Variants in TUSC3 observed in about 807,000 individuals in gnomAD.
TUSC3 encodes the protein dolichyl-diphosphooligosaccharide--protein glycosyltransferase subunit TUSC3.
Under a neutral mutation model 44.8 loss-of-function variants are expected in TUSC3, and 45 were observed. The ratio of observed to expected loss-of-function variants is 1.00; its 90% confidence interval spans 0.79 to 1.29. The LOEUF (loss-of-function observed/expected upper bound fraction) is 1.29, where lower values mean the gene tolerates loss of function less well. TUSC3 is among the 50% of genes most tolerant of loss of function. The pLI is 0.00. For missense variants in TUSC3, 519 were observed against 437.9 expected (o/e 1.19, Z -1.65); for synonymous variants, 212 against 152.9 (o/e 1.39, Z -2.85).
intron 7 of TUSC3, among the ~76,000 whole-genome samples, chr8:15,733,047 T>G (rs1810786590): frequency 6.6e-6 from 1 of 152,108 alleles, no homozygotes; most frequent in Non-Finnish European, 1.5e-5. Context: ...AAATACAAAT[T>G]TTGTTGTATT....
chr8:15,677,321 A>G (rs1808234540), intron 6 of TUSC3, among the ~76,000 whole-genome samples: 2 of 152,166 alleles, frequency 1.3e-5, no homozygotes, highest in South Asian at 2.1e-4. Flanking sequence ...TTCTTTTACT[A>G]TGCGTTAGTA....
chr8:15,846,160 T>G, the TUSC3 span, among the ~76,000 whole-genome samples: 2 of 152,172 alleles, frequency 1.3e-5, no homozygotes, highest in Admixed American at 6.6e-5. Context: ...ATAATTCCAG[T>G]TGAGATTTGA....
chr8:15,773,150 A>T, the TUSC3 span, among the ~76,000 whole-genome samples: 2 of 152,186 alleles, frequency 1.3e-5, no homozygotes, highest in Non-Finnish European at 2.9e-5. Flanking sequence ...TTAGGTAAGG[A>T]CACAAAAAGA....
At chr8:15,581,719 A>T (rs1261846782) in intron 1 of TUSC3, among the ~76,000 whole-genome samples, 7 of 135,268 alleles carry the variant, frequency 5.2e-5, no homozygotes, top group African/African-American at 1.1e-4. Flanking sequence ...TGCTCTCTTC[A>T]AAGCTGTCAG....
rs71211076 is a variant in TUSC3, at chr8:15,700,849, C to CTTTTTTTTTTTTTTTTTTT, written c.798+27031_798+27032insTTTTTTTTTTTTTTTTTTT. On this transcript the variant is annotated intron_variant, in intron 6 of 10. Transcript: ENST00000503731. ...CTTTCACTAGAGGGAATGGCTGGAG[C>CTTTTTTTTTTTTTTTTTTT]TTTTTTTTTTTTTTTTTTGCTTTGC... Among the ~76,000 whole-genome samples the CTTTTTTTTTTTTTTTTTTT allele has an allele frequency of 1.5e-3, 133 of 90,520 alleles. 13 individuals carry two copies. Among genetic ancestry groups the CTTTTTTTTTTTTTTTTTTT allele is most frequent in the African/African-American group, 2.5e-3 (52 of 20,404 alleles). The allele number at this position is 90,520 out of a possible 152,430, so 59.4% of individuals were successfully genotyped here.
intron 1 of TUSC3, among the ~76,000 whole-genome samples, chr8:15,573,879 G>C (rs1219170195): frequency 6.6e-6 from 1 of 151,950 alleles, no homozygotes; most frequent in East Asian, 1.9e-4. Context: ...CAACTTTCCT[G>C]ACAGTTCCAA....
chr8:15,484,238 A>T lies in TUSC3; in HGVS notation n.189+755A>T, dbSNP rs540825244. Among the ~76,000 whole-genome samples the T allele has an allele frequency of 4.1e-4, 63 of 152,210 alleles. 1 individual carries two copies. Among genetic ancestry groups the T allele is most frequent in the African/African-American group, 1.5e-3 (62 of 41,526 alleles). On this transcript the variant is annotated intron_variant and non_coding_transcript_variant, in intron 2 of 5. Transcript: ENST00000503191. The stretch of plus-strand genomic sequence containing the variant: ...CATAAATTTGCTAATTGTTTTCTAA[A>T]TCCTTCTCATGATTCATCTCTTAAC...
intron 1 of TUSC3, among the ~76,000 whole-genome samples, chr8:15,603,433 G>T (rs536952577): frequency 8.6e-5 from 13 of 151,632 alleles, no homozygotes; most frequent in Non-Finnish European, 1.8e-4. Flanking sequence ...TGGAAAAACA[G>T]TTTGGCAATA....
intron 7 of TUSC3, among the ~76,000 whole-genome samples, chr8:15,734,866 G>C (rs1273432469): frequency 6.6e-6 from 1 of 152,136 alleles, no homozygotes; most frequent in African/African-American, 2.4e-5. Context: ...AATTCATCAA[G>C]GCTGGAATAC....
At chr8:15,614,306 T>C (rs1195961047) in intron 1 of TUSC3, among the ~76,000 whole-genome samples, 1 of 152,164 alleles carries the variant, frequency 6.6e-6, no homozygotes, top group Non-Finnish European at 1.5e-5. Flanking sequence ...TAGGTATGTT[T>C]TACATTTCTT....
intron 2 of TUSC3, among the ~76,000 whole-genome samples, chr8:15,503,094 C>G (rs188760016): frequency 6.6e-6 from 1 of 152,074 alleles, no homozygotes; most frequent in Admixed American, 6.6e-5. Flanking sequence ...AGTCTTAAAT[C>G]CCCAGAACCT....
intron 1 of TUSC3, among the ~76,000 whole-genome samples, chr8:15,596,482 C>A (rs1804072136): frequency 2.0e-5 from 3 of 152,068 alleles, no homozygotes. Flanking sequence ...TCCGCAAGAC[C>A]AACTGCAGGG....
At position 15,553,317 on chromosome 8, in the gene TUSC3, G is replaced by T. The variant is rs1327852633; in HGVS notation, c.138+12749G>T. ...ACTTACAGTAAAAAATAGAGGACCTGTTGCAAACCCCTCAAAGATACCAAT... is the reference window on the plus strand; with the variant it reads ...ACTTACAGTAAAAAATAGAGGACCTTTTGCAAACCCCTCAAAGATACCAAT... On this transcript the variant is annotated intron_variant, in intron 1 of 10. Coordinates refer to ENST00000503731, the MANE Select transcript of TUSC3 (RefSeq NM_006765.4). Among the ~76,000 whole-genome samples the T allele has an allele frequency of 1.3e-4, 20 of 151,704 alleles. No homozygotes were observed. In the Admixed American group the frequency reaches 1.3e-3, roughly 10 times the overall value.
chr8:15,437,011 A>G (rs1368656651), intron 1 of TUSC3, among the ~76,000 whole-genome samples: 2 of 152,202 alleles, frequency 1.3e-5, no homozygotes, highest in Non-Finnish European at 2.9e-5. Flanking sequence ...TGATGCATGA[A>G]CACAGGAAAT....
At chr8:15,641,033 T>TA (rs200378649) in intron 2 of TUSC3, among the ~76,000 whole-genome samples, 4,596 of 152,216 alleles carry the variant, frequency 0.03, 91 homozygotes, top group Middle Eastern at 0.082. Context: ...GTGTTATATG[T>TA]ATTGTGTGCC....
chr8:15,836,348 G>A, the TUSC3 span, among the ~76,000 whole-genome samples: 3 of 151,264 alleles, frequency 2.0e-5, no homozygotes, highest in African/African-American at 7.3e-5. Flanking sequence ...TGCGCTGGCG[G>A]GTGCCTGTAA....
intron 1 of TUSC3, among the ~76,000 whole-genome samples, chr8:15,572,913 C>T (rs1436695292): frequency 2.0e-5 from 3 of 151,932 alleles, no homozygotes; most frequent in Non-Finnish European, 4.4e-5. Flanking sequence ...CATCAAAGAT[C>T]ACTGGTCACA....
At chr8:15,655,091 C>T (rs116913787) in intron 3 of TUSC3, among the ~76,000 whole-genome samples, 1,800 of 152,178 alleles carry the variant, frequency 0.012, 31 homozygotes, top group Non-Finnish European at 0.015. Flanking sequence ...AGGAGAGGGT[C>T]CCTCACCCCA....
chr8:15,805,673 C>T, the TUSC3 span, among the ~76,000 whole-genome samples: 2 of 152,220 alleles, frequency 1.3e-5, no homozygotes, highest in South Asian at 4.2e-4. Context: ...AGGAGTGAAG[C>T]CTACTTGATC....
Sources: gnomAD v4.1 joint callset for allele counts (sites outside exome capture counted in the v4.1 genomes callset) on GRCh38, gnomAD v4.1.1 for gene constraint, MANE v1.5 for transcripts, NCBI Gene and HGNC (gene_info 2026-07-23, HGNC 2026-07-21) for gene names.